PCOLCE: variants seen among roughly 807,000 people sequenced by gnomAD.
PCOLCE encodes the protein procollagen C-endopeptidase enhancer 1.
A neutral mutation model predicts 47.2 loss-of-function variants in PCOLCE; 33 were observed. That is an observed-to-expected ratio of 0.70 (90% CI 0.53 to 0.93). The LOEUF is 0.93. Among genes scored for constraint, PCOLCE ranks in the 40% least tolerant of loss-of-function variants. The probability of loss-of-function intolerance (pLI) is 0.00; values close to 1 mark genes in which losing one functional copy is unlikely to be tolerated. For synonymous variants in PCOLCE, 254 were observed against 252.5 expected (o/e 1.01, Z -0.06); for missense variants, 584 against 585.3 (o/e 1.00, Z 0.02).
intron 5 of PCOLCE, chr7:100,606,062 C>T (rs1244961384): frequency 3.5e-6 from 2 of 568,264 alleles, no homozygotes; most frequent in African/African-American, 3.8e-5. Flanking sequence ...GGGGTAGTGG[C>T]TCATGCCTGT....
intron 1 of PCOLCE, 79 bp downstream of exon 1, chr7:100,602,630 T>C: frequency 1.0e-6 from 1 of 965,538 alleles, no homozygotes; most frequent in South Asian, 1.3e-5. Context: ...CTGGAGATAT[T>C]TTGGGTTCCC....
At position 100,604,634 on chromosome 7, in the gene PCOLCE, G is replaced by C. The variant is rs940083581; in HGVS notation, c.463+417G>C. 24 of 325,996 alleles carry C rather than the reference G, an allele frequency of 7.4e-5. No individual in the cohort carries two copies. Among genetic ancestry groups the C allele is most frequent in the Admixed American group, 2.4e-4 (5 of 20,530 alleles). 20.2% of individuals were successfully genotyped at this position (325,996 alleles called of 1,614,324 possible). ...CACCCAGCCCTGGGCTCCCGATTGCGGTCCCATCACCCCCTCCTGGCGGCA... is the reference window on the plus strand; with the variant it reads ...CACCCAGCCCTGGGCTCCCGATTGCCGTCCCATCACCCCCTCCTGGCGGCA... On this transcript the variant is annotated intron_variant, in intron 3 of 8. Coordinates refer to ENST00000223061, the MANE Select transcript of PCOLCE (RefSeq NM_002593.4). This position sits in a 1 kb window ranked among gnomAD's most constrained non-coding sequence, Gnocchi z 6.4.
chr7:100,605,877 G>C lies in PCOLCE; in HGVS notation c.725+65G>C, dbSNP rs1802707376. On this transcript the variant is annotated intron_variant, in intron 5 of 8. Transcript: ENST00000223061. This position sits in a 1 kb window ranked among gnomAD's most constrained non-coding sequence, Gnocchi z 6.1. ...CGGACCGCACGCACGCGGCTGTTTG[G>C]AGGGGCGGGGTTCAGCTAAAGGGAC... 6.6e-7 allele frequency: 1 copy of C among 1,508,530 alleles called. No individual in the cohort carries two copies. The highest frequency in any genetic ancestry group is 9.0e-7 in the Non-Finnish European group (1 of 1,115,192). The allele number at this position is 1,508,530 out of a possible 1,614,324, so 93.4% of individuals were successfully genotyped here. A position where few individuals can be genotyped will look rare whatever the true frequency, so the allele number is the denominator to read the frequency against.
In PCOLCE at chr7:100,606,417, T is replaced by TA. The variant is rs1802717171; in HGVS notation, c.727_728insA (p.Ser243TyrfsTer8). 6.2e-7 allele frequency: 1 copy of TA among 1,612,622 alleles called. No homozygotes were observed. The highest frequency in any genetic ancestry group is 1.3e-5 in the African/African-American group (1 of 74,870). ...CCAATGCTCGGTGGCCACCTGCAGC[T>TA]CCATCTCCTCCGAAGGGAATGAACT... is the stretch of plus-strand genomic sequence containing the variant. On this transcript the variant is annotated frameshift_variant and splice_region_variant, in exon 6 of 9. Coordinates refer to ENST00000223061, the MANE Select transcript of PCOLCE (RefSeq NM_002593.4). LOFTEE classifies it high-confidence loss of function.
chr7:100,603,032 C>T (rs974726881), intron 1 of PCOLCE: 16 of 242,664 alleles, frequency 6.6e-5, no homozygotes, highest in African/African-American at 9.2e-5. Context: ...CTCCCTCCAT[C>T]TCTCCACCCC....
chr7:100,605,722 A>C lies in PCOLCE; in HGVS notation c.635A>C (p.Tyr212Ser), dbSNP rs1261495059. 6.3e-7 allele frequency: 1 copy of C among 1,575,952 alleles called. No homozygotes were observed. Among genetic ancestry groups the C allele is most frequent in the Non-Finnish European group, 8.6e-7 (1 of 1,161,048 alleles). Residue 212 changes from tyrosine (Y) to serine (S), a missense_variant, in exon 5 of 9, where the codon TAC becomes TCC. Tyr to Ser is a moderately radical substitution (Grantham distance 144). Transcript: ENST00000223061. This position sits in a 1 kb window ranked among gnomAD's most constrained non-coding sequence, Gnocchi z 6.1. The stretch of plus-strand genomic sequence containing the variant: ...AAGTTTGACCTGGAGCCGGACACCT[A>C]CTGCCGCTATGACTCGGTCAGCGTG... Reference protein sequence around the residue: ...FEKFDLEPDTYCRYDSVSVFN... With the variant: ...FEKFDLEPDTSCRYDSVSVFN...
rs1405303780 is a variant in PCOLCE, at chr7:100,606,587, G to A, written c.897G>A (p.Lys299=). The change falls in exon 6 of 9, where the codon AAG becomes AAA. Residue 299 remains lysine, a synonymous_variant. Transcript: ENST00000223061. ...GTEPKVKLPP[K]SQPPEKTEES... ...AGCCTAAAGTCAAGCTGCCCCCCAA[G>A]TCCCAACCTCCGGAGAAAACAGAGG... The A allele has an allele frequency of 3.1e-6, 5 of 1,613,684 alleles. No individual in the cohort carries two copies. The highest frequency in any genetic ancestry group is 1.1e-5 in the South Asian group (1 of 91,060).
chr7:100,606,406 C>T lies in PCOLCE; in HGVS notation c.726-10C>T. On this transcript the variant is annotated splice_polypyrimidine_tract_variant and intron_variant, in intron 5 of 8. Transcript: ENST00000223061. Reference sequence around the variant, plus strand: ...TGACACTTCCCCCAATGCTCGGTGGCCACCTGCAGCTCCATCTCCTCCGAA... The same window carrying T: ...TGACACTTCCCCCAATGCTCGGTGGTCACCTGCAGCTCCATCTCCTCCGAA... 1 of 1,608,348 alleles carries T rather than the reference C, an allele frequency of 6.2e-7. No individual in the cohort carries two copies. The highest frequency in any genetic ancestry group is 1.1e-5 in the South Asian group (1 of 90,866).
At chr7:100,606,374 C>A (rs1446106264) in intron 5 of PCOLCE, 42 bp from the exon 6 acceptor site, 1 of 1,461,034 alleles carries the variant, frequency 6.8e-7, no homozygotes, top group East Asian at 2.3e-5. Flanking sequence ...GTGGTGCACG[C>A]CCGCCCTGAC....
chr7:100,602,991 A>G, intron 1 of PCOLCE: 2 of 219,470 alleles, frequency 9.1e-6, no homozygotes, highest in Non-Finnish European at 8.8e-6. Context: ...CCTGGCCTCC[A>G]GGTTCAATCA....
At position 100,605,201 on chromosome 7, in the gene PCOLCE, G is replaced by T. The variant is rs754266739; in HGVS notation, c.574G>T (p.Ala192Ser). 2.5e-5 allele frequency: 40 copies of T among 1,611,542 alleles called. No homozygotes were observed. The highest frequency in any genetic ancestry group is 3.3e-5 in the Admixed American group (2 of 59,868). The change falls in exon 4 of 9, where the codon GCG becomes TCG. Residue 192 changes from alanine to serine, a missense_variant. Coordinates refer to ENST00000223061, the MANE Select transcript of PCOLCE (RefSeq NM_002593.4). The surrounding 1 kb of genome is among the most constrained non-coding windows in gnomAD (Gnocchi z 6.1). ...CATCAGCTGTTCCTGGCACATCATC[G>T]CGCCCCCGGACCAGGTACCGACCCT... is the stretch of plus-strand genomic sequence containing the variant. ...PGISCSWHII[A>S]PPDQVIALTF...
Position 100,605,577 on chromosome 7 carries a change from G to T in PCOLCE, c.589-99G>T. The T allele has an allele frequency of 7.1e-7, 1 of 1,416,534 alleles. No individual in the cohort carries two copies. Among genetic ancestry groups the T allele is most frequent in the East Asian group, 2.5e-5 (1 of 40,052 alleles). 87.7% of individuals were successfully genotyped at this position (1,416,534 alleles called of 1,614,324 possible). On this transcript the variant is annotated intron_variant, in intron 4 of 8. Coordinates refer to ENST00000223061, the MANE Select transcript of PCOLCE (RefSeq NM_002593.4). This position sits in a 1 kb window ranked among gnomAD's most constrained non-coding sequence, Gnocchi z 6.1. ...CAGGAGGGGGGCCCAGAGGACGCGG[G>T]AGGTGGGAGTGGGAGCTGCTGCAGG... is the stretch of plus-strand genomic sequence containing the variant.
At chr7:100,603,930 T>G (rs1223431337) in intron 2 of PCOLCE, 29 bp from the exon 3 acceptor site, 2 of 1,594,594 alleles carry the variant, frequency 1.3e-6, no homozygotes. Context: ...CCTGACTCTG[T>G]GGGTCCCCGC....
intron 6 of PCOLCE, among the ~76,000 whole-genome samples, chr7:100,607,074 G>T (rs1802728821): frequency 7.5e-6 from 1 of 133,806 alleles, no homozygotes; most frequent in Admixed American, 7.5e-5. Context: ...TTGGGTTACA[G>T]AGTGAGATTC....
chr7:100,605,924 C>A lies in PCOLCE; in HGVS notation c.725+112C>A. ...GGACGGGATCTGAACCCCAGGGCTC[C>A]AAACCGGCGAGGGGAGCAGGTTGGA... On this transcript the variant is annotated intron_variant, in intron 5 of 8. Transcript: ENST00000223061. This position sits in a 1 kb window ranked among gnomAD's most constrained non-coding sequence, Gnocchi z 6.1. 3 of 1,247,402 alleles carry A rather than the reference C, an allele frequency of 2.4e-6. No homozygotes were observed. Among genetic ancestry groups the A allele is most frequent in the Non-Finnish European group, 3.3e-6 (3 of 908,140 alleles). 77.3% of individuals were successfully genotyped at this position (1,247,402 alleles called of 1,614,324 possible).
In PCOLCE at chr7:100,607,674, AG is replaced by A. The variant is rs758406541; in HGVS notation, c.1054del (p.Glu352ArgfsTer5). 2 of 1,614,092 alleles carry A rather than the reference AG, an allele frequency of 1.2e-6. No homozygotes were observed. The highest frequency in any genetic ancestry group is 4.5e-5 in the East Asian group (2 of 44,874). Reference sequence around the variant, plus strand: ...CAGTGAAGTCCATGGTTCGGGAGCCAGGGGAGGGCCTTGCCGTGACTGTCAG... The same window carrying A: ...CAGTGAAGTCCATGGTTCGGGAGCCAGGGAGGGCCTTGCCGTGACTGTCAG... ...ATVKSMVREP[G>X]EGLAVTVSLI... is the part of the protein sequence containing the mutation. On this transcript the variant is annotated frameshift_variant, in exon 8 of 9. Coordinates refer to ENST00000223061, the MANE Select transcript of PCOLCE (RefSeq NM_002593.4). LOFTEE classifies it high-confidence loss of function.
chr7:100,605,917 AG>A lies in PCOLCE; in HGVS notation c.725+108del. ...GCTAAAGGGACGGGATCTGAACCCC[AG>A]GGCTCCAAACCGGCGAGGGGAGCAG... On this transcript the variant is annotated intron_variant, in intron 5 of 8. Coordinates refer to ENST00000223061, the MANE Select transcript of PCOLCE (RefSeq NM_002593.4). The surrounding 1 kb of genome is among the most constrained non-coding windows in gnomAD (Gnocchi z 6.1). The A allele has an allele frequency of 7.7e-7, 1 of 1,300,228 alleles. No individual in the cohort carries two copies. The highest frequency in any genetic ancestry group is 1.4e-5 in the South Asian group (1 of 69,134). The allele number at this position is 1,300,228 out of a possible 1,614,324, so 80.5% of individuals were successfully genotyped here.
rs746094289 is a variant in PCOLCE at position 100,607,894 on chromosome 7, G to T, written c.1184-43G>T. On this transcript the variant is annotated intron_variant, in intron 8 of 8. Transcript: ENST00000223061. ...GTGGAATCTTGAGACCTGCTGACAGGTCTCAAGAATAAGAGATCTCAACCC... is the reference window on the plus strand; with the variant it reads ...GTGGAATCTTGAGACCTGCTGACAGTTCTCAAGAATAAGAGATCTCAACCC... The T allele has an allele frequency of 2.5e-5, 41 of 1,612,378 alleles. No individual in the cohort carries two copies. The Admixed American group carries it at 6.8e-4, about 27-fold the overall frequency.
In PCOLCE at chr7:100,607,769, T is replaced by G; in HGVS notation, c.1145T>G (p.Phe382Cys). ...PSPPTGASLK[F>C]YVPCKQCPPM... ...CCACCCACTGGTGCCTCCCTGAAGT[T>G]TTACGTGCCTTGCAAGCAGTGCCCC... Residue 382 changes from phenylalanine to cysteine, a missense_variant, in exon 8 of 9, where the codon TTT becomes TGT. Physicochemically the swap from Phe to Cys is radical, Grantham distance 205 (BLOSUM62 -2). Transcript: ENST00000223061. 3 of 1,614,020 alleles carry G rather than the reference T, an allele frequency of 1.9e-6. No homozygotes were observed. The highest frequency in any genetic ancestry group is 2.5e-6 in the Non-Finnish European group (3 of 1,180,010).
Sources: gnomAD v4.1 joint callset for allele counts (sites outside exome capture counted in the v4.1 genomes callset) on GRCh38, gnomAD v4.1.1 for gene constraint, Gnocchi (gnomAD v3.1) non-coding constraint, MANE v1.5 for transcripts, NCBI Gene and HGNC (gene_info 2026-07-23, HGNC 2026-07-21) for gene names.